Variants in CFAP73 observed in about 807,000 individuals in gnomAD.
CFAP73 encodes cilia and flagella associated protein 73.
Under a neutral mutation model 42.9 loss-of-function variants are expected in CFAP73, and 33 were observed. The observed-to-expected ratio is 0.77, with a 90% CI of 0.58 to 1.03. CFAP73 has a LOEUF of 1.03. Among genes scored for constraint, CFAP73 ranks in the 50% least tolerant of loss-of-function variants. CFAP73 has a pLI of 0.00. For missense variants in CFAP73, 392 were observed against 411.9 expected, an observed-to-expected ratio of 0.95 and a Z score of 0.42; for synonymous variants, 162 against 186.8, an observed-to-expected ratio of 0.87 and a Z score of 1.08.
intron 7 of CFAP73, 103 bp downstream of exon 7, chr12:113,157,793 T>C (rs1461594921): frequency 1.7e-5 from 15 of 875,072 alleles, no homozygotes; most frequent in East Asian, 8.0e-5. Context: ...CGTTTCCTCA[T>C]TGGGAAGATG....
rs1163912579 is a variant in CFAP73 at position 113,149,744 on chromosome 12, T to C, written c.-114T>C. ...CAACCAGAGCCTGCTGGTGGCTGCC[T>C]TCTGGGCCGAGCTGAGCAGGCTTCC... On this transcript the variant is annotated 5_prime_UTR_variant, in exon 1 of 8. Coordinates refer to ENST00000335621, the MANE Select transcript of CFAP73 (RefSeq NM_001144872.3). 4.6e-6 allele frequency: 5 copies of C among 1,094,028 alleles called. No homozygotes were observed. Among genetic ancestry groups the C allele is most frequent in the South Asian group, 2.9e-5 (2 of 68,560 alleles). 67.8% of individuals were successfully genotyped at this position (1,094,028 alleles called of 1,614,324 possible).
In CFAP73 at chr12:113,153,313, G is replaced by A; in HGVS notation, c.373G>A (p.Glu125Lys). 1 of 1,518,082 alleles carries A rather than the reference G, an allele frequency of 6.6e-7. No homozygotes were observed. The highest frequency in any genetic ancestry group is 8.8e-7 in the Non-Finnish European group (1 of 1,137,506). The allele number at this position is 1,518,082 out of a possible 1,614,324, so 94.0% of individuals were successfully genotyped here. A position where few individuals can be genotyped will look rare whatever the true frequency, so the allele number is the denominator to read the frequency against. ...GCTGCGTCTGTGGACCCAGCTCCAG[G>A]AGCTACGGCGGGAACACGCGCGGCT... ...EALRLWTQLQ[E>K]LRREHARLQR... Residue 125 changes from glutamate (E) to lysine (K), a missense_variant, in exon 4 of 8, where the codon GAG becomes AAG. Glu to Lys is a moderately conservative substitution (Grantham distance 56). Coordinates refer to ENST00000335621, the MANE Select transcript of CFAP73 (RefSeq NM_001144872.3).
chr12:113,151,022 T>A (rs978273068), intron 1 of CFAP73, among the ~76,000 whole-genome samples: 13 of 148,792 alleles, frequency 8.7e-5, no homozygotes, highest in Middle Eastern at 3.3e-3. Context: ...TGGCATTCTT[T>A]ATTATTATTA....
At chr12:113,157,305 AAAAT>A in intron 6 of CFAP73, 1 of 432,410 alleles carries the variant, frequency 2.3e-6, no homozygotes, top group Non-Finnish European at 4.2e-6. Context: ...CAGTTACAAG[AAAAT>A]AAAGCTGATT....
At chr12:113,151,835 T>C in intron 1 of CFAP73, 83 bp from the exon 2 acceptor site, 1 of 871,096 alleles carries the variant, frequency 1.1e-6, no homozygotes, top group Non-Finnish European at 1.7e-6. Context: ...AGGTGGCTAA[T>C]GGGGCACTCC....
intron 3 of CFAP73, 136 bp from the exon 4 acceptor site, chr12:113,153,072 T>A: frequency 1.0e-6 from 1 of 991,268 alleles, no homozygotes; most frequent in Admixed American, 3.1e-5. Flanking sequence ...GGGAGTTGGG[T>A]GAAGAGCCAG....
chr12:113,155,707 CCTCT>C (rs905169367), intron 6 of CFAP73, among the ~76,000 whole-genome samples: 3 of 152,158 alleles, frequency 2.0e-5, no homozygotes, highest in African/African-American at 7.2e-5. Context: ...CAATGCCCTC[CCTCT>C]ACCAGGAAGG....
intron 1 of CFAP73, 40 bp downstream of exon 1, chr12:113,149,953 C>CG (rs1204714900): frequency 1.6e-5 from 24 of 1,522,718 alleles, no homozygotes; most frequent in Middle Eastern, 1.7e-4. Context: ...AGAAGGAGGG[C>CG]GGGAATGCGT....
intron 2 of CFAP73, 53 bp from the exon 3 acceptor site, chr12:113,152,730 T>A: frequency 7.7e-7 from 1 of 1,304,116 alleles, no homozygotes; most frequent in Non-Finnish European, 1.1e-6. Flanking sequence ...CCTGACAGCA[T>A]GGGAGGACCC....
intron 7 of CFAP73, 98 bp downstream of exon 7, chr12:113,157,788 C>T (rs1952150772): frequency 3.3e-6 from 3 of 919,746 alleles, no homozygotes; most frequent in Non-Finnish European, 5.1e-6. Context: ...GAATCCGTTT[C>T]CTCATTGGGA....
chr12:113,149,819 C>T lies in CFAP73; in HGVS notation c.-39C>T, dbSNP rs775168853. 1.2e-5 allele frequency: 18 copies of T among 1,549,258 alleles called. No homozygotes were observed. Among genetic ancestry groups the T allele is most frequent in the Admixed American group, 3.9e-5 (2 of 50,962 alleles). On this transcript the variant is annotated 5_prime_UTR_variant, in exon 1 of 8. Transcript: ENST00000335621. ...GGGTCTCCTAAGCTTGTGCAAAACT[C>T]CAGCTGGTGGAAAGAAAGCTGGGGC...
chr12:113,151,232 G>A (rs61941405), intron 1 of CFAP73, among the ~76,000 whole-genome samples: 8,073 of 152,084 alleles, frequency 0.053, 293 homozygotes, highest in Non-Finnish European at 0.068. Context: ...CTGTAATCCC[G>A]GCACTTTGGG....
At chr12:113,150,357 T>G (rs151218317) in intron 1 of CFAP73, among the ~76,000 whole-genome samples, 5 of 152,190 alleles carry the variant, frequency 3.3e-5, no homozygotes, top group African/African-American at 1.2e-4. Context: ...CCTTGCTGAT[T>G]ACACATTAGT....
chr12:113,158,858 CG>C lies in CFAP73; in HGVS notation c.*173del, dbSNP rs766502456. 3.4e-5 allele frequency: 54 copies of C among 1,572,734 alleles called. No individual in the cohort carries two copies. Among genetic ancestry groups the C allele is most frequent in the Non-Finnish European group, 4.5e-5 (52 of 1,153,840 alleles). On this transcript the variant is annotated 3_prime_UTR_variant, in exon 8 of 8. Coordinates refer to ENST00000335621, the MANE Select transcript of CFAP73 (RefSeq NM_001144872.3). The surrounding 1 kb of genome is among the most constrained non-coding windows in gnomAD (Gnocchi z 4.9). ...CACCCTAAGGCCAATCAAGGAGCCA[CG>C]GGGCTGGGTCCTGGTCCTCACATCC... is the stretch of plus-strand genomic sequence containing the variant.
chr12:113,157,119 G>C (rs751366729), intron 6 of CFAP73: 1 of 154,154 alleles, frequency 6.5e-6, no homozygotes, highest in Non-Finnish European at 1.4e-5. Flanking sequence ...CTGTTGATAC[G>C]GTGATGAATA....
At position 113,158,848 on chromosome 12, in the gene CFAP73, C is replaced by A; in HGVS notation, c.*159C>A. 6.4e-7 allele frequency: 1 copy of A among 1,563,784 alleles called. No individual in the cohort carries two copies. The highest frequency in any genetic ancestry group is 1.2e-5 in the South Asian group (1 of 83,876). On this transcript the variant is annotated 3_prime_UTR_variant, in exon 8 of 8. Transcript: ENST00000335621. This position sits in a 1 kb window ranked among gnomAD's most constrained non-coding sequence, Gnocchi z 4.9. ...TGCTGATGCCCACCCTAAGGCCAAT[C>A]AAGGAGCCACGGGGCTGGGTCCTGG... is the stretch of plus-strand genomic sequence containing the variant.
At position 113,154,996 on chromosome 12, in the gene CFAP73, C is replaced by T. The variant is rs532176352; in HGVS notation, c.691-264C>T. The stretch of plus-strand genomic sequence containing the variant: ...ACCAGCCTGGCCAACATGGTGAAAC[C>T]CTGTCTCTACTAAAAATACAAAAAT... On this transcript the variant is annotated intron_variant, in intron 5 of 7. Transcript: ENST00000335621. The surrounding 1 kb of genome is among the most constrained non-coding windows in gnomAD (Gnocchi z 4.7). Among the ~76,000 whole-genome samples, 1 of 152,258 alleles carries T rather than the reference C, an allele frequency of 6.6e-6. No individual in the cohort carries two copies. Among genetic ancestry groups the T allele is most frequent in the Admixed American group, 6.5e-5 (1 of 15,304 alleles).
Position 113,155,372 on chromosome 12 carries a change from A to G in CFAP73, c.803A>G (p.Gln268Arg). ...LFQLVCQHQGQPPTLDIEDTE... is the reference protein window; with the variant it reads ...LFQLVCQHQGRPPTLDIEDTE... ...CAGCTAGTGTGCCAGCATCAGGGGC[A>G]GCCTCCCACCCTGGACATCGAGGAC... Residue 268 changes from glutamine (Q) to arginine (R), a missense_variant, in exon 6 of 8, where the codon CAG (glutamine) becomes CGG (arginine). By Grantham distance (43) the Gln-to-Arg change is conservative. Coordinates refer to ENST00000335621, the MANE Select transcript of CFAP73 (RefSeq NM_001144872.3). 6.4e-7 allele frequency: 1 copy of G among 1,551,518 alleles called. No individual in the cohort carries two copies. The highest frequency in any genetic ancestry group is 8.7e-7 in the Non-Finnish European group (1 of 1,146,798).
chr12:113,153,320 G>C lies in CFAP73; in HGVS notation c.380G>C (p.Arg127Pro). ...LRLWTQLQELRREHARLQRRL... is the reference protein window; with the variant it reads ...LRLWTQLQELPREHARLQRRL... ...CTGTGGACCCAGCTCCAGGAGCTAC[G>C]GCGGGAACACGCGCGGCTGCAGCGC... The change falls in exon 4 of 8, where the codon CGG (arginine) becomes CCG (proline). Residue 127 changes from arginine (R) to proline (P), a missense_variant. Coordinates refer to ENST00000335621, the MANE Select transcript of CFAP73 (RefSeq NM_001144872.3). 2 of 1,516,914 alleles carry C rather than the reference G, an allele frequency of 1.3e-6. No individual in the cohort carries two copies. The highest frequency in any genetic ancestry group is 8.8e-7 in the Non-Finnish European group (1 of 1,137,060). 94.0% of individuals were successfully genotyped at this position (1,516,914 alleles called of 1,614,324 possible). A position where few individuals can be genotyped will look rare whatever the true frequency, so the allele number is the denominator to read the frequency against.
Sources: allele counts gnomAD v4.1 joint callset (sites outside exome capture counted in the v4.1 genomes callset), GRCh38; gene constraint gnomAD v4.1.1; non-coding constraint Gnocchi (gnomAD v3.1); transcripts MANE v1.5; gene names NCBI Gene and HGNC (gene_info 2026-07-23, HGNC 2026-07-21).